The following CALN1 variants were observed in gnomAD, a reference collection of about 807,000 sequenced individuals.
CALN1 encodes calcium-binding protein 8.
A neutral mutation model predicts 30.6 loss-of-function variants in CALN1; 17 were observed. That is an observed-to-expected ratio of 0.56 (90% CI 0.38 to 0.83). The LOEUF is 0.83. Ranked by LOEUF, CALN1 falls within the 40% of genes least tolerant of loss-of-function variation. The pLI, the probability that CALN1 is intolerant of heterozygous loss-of-function variation, is 0.00. For synonymous variants in CALN1, 156 were observed against 131.4 expected, an observed-to-expected ratio of 1.19 and a Z score of -1.28; for missense variants, 291 against 354.9, an observed-to-expected ratio of 0.82 and a Z score of 1.45.
At chr7:71,973,054 G>A (rs1797927176) in intron 5 of CALN1, among the ~76,000 whole-genome samples, 1 of 152,150 alleles carries the variant, frequency 6.6e-6, no homozygotes, top group Non-Finnish European at 1.5e-5. Flanking sequence ...GGCAAACGCT[G>A]ATCTATTCCA....
At chr7:72,299,314 A>C (rs1208158908) in intron 2 of CALN1, among the ~76,000 whole-genome samples, 1 of 152,232 alleles carries the variant, frequency 6.6e-6, no homozygotes, top group Non-Finnish European at 1.5e-5. Context: ...GTCCACTATT[A>C]AATAACACTA....
intron 3 of CALN1, among the ~76,000 whole-genome samples, chr7:72,201,314 C>A (rs1336388974): frequency 6.6e-6 from 1 of 152,134 alleles, no homozygotes; most frequent in Admixed American, 6.5e-5. Flanking sequence ...TTGTGCAGGG[C>A]ACGGTGGCTC....
intron 5 of CALN1, among the ~76,000 whole-genome samples, chr7:72,008,228 G>A (rs1799881183): frequency 6.6e-6 from 1 of 151,962 alleles, no homozygotes; most frequent in African/African-American, 2.4e-5. Flanking sequence ...CTATGATTAT[G>A]CAAAAAAATG....
chr7:72,074,372 T>C (rs1260428867), intron 4 of CALN1, among the ~76,000 whole-genome samples: 1 of 152,170 alleles, frequency 6.6e-6, no homozygotes, highest in Admixed American at 6.5e-5. Context: ...AATGACTCTT[T>C]GTGACCAGTT....
chr7:72,362,380 C>G (rs1393588818), intron 2 of CALN1, among the ~76,000 whole-genome samples: 1 of 152,148 alleles, frequency 6.6e-6, no homozygotes, highest in Non-Finnish European at 1.5e-5. Flanking sequence ...GTTGACTTCT[C>G]TCCATGGCCA....
intron 3 of CALN1, among the ~76,000 whole-genome samples, chr7:72,196,619 AAAAG>A (rs753070239): frequency 1.3e-5 from 2 of 152,226 alleles, no homozygotes; most frequent in Non-Finnish European, 2.9e-5. Context: ...TTAACGAAGA[AAAAG>A]AAAGATCTAG....
At chr7:72,334,357 T>A (rs73131431) in intron 2 of CALN1, among the ~76,000 whole-genome samples, 6,360 of 152,206 alleles carry the variant, frequency 0.042, 213 homozygotes, top group Non-Finnish European at 0.067. Context: ...GCCACAGATA[T>A]CCCACCCTGG....
At chr7:72,469,975 A>T in the CALN1 span, among the ~76,000 whole-genome samples, 7 of 152,128 alleles carry the variant, frequency 4.6e-5, no homozygotes, top group Non-Finnish European at 5.9e-5. Context: ...GGCAGTATAG[A>T]GCCTGCAGAG....
At chr7:71,899,800 T>C (rs993767200) in intron 5 of CALN1, among the ~76,000 whole-genome samples, 3 of 152,166 alleles carry the variant, frequency 2.0e-5, no homozygotes, top group Non-Finnish European at 4.4e-5. Context: ...ATGCATGGCA[T>C]AGAATATGTC....
chr7:72,475,119 AC>A, the CALN1 span, among the ~76,000 whole-genome samples: 1 of 152,112 alleles, frequency 6.6e-6, no homozygotes, highest in Admixed American at 6.6e-5. Context: ...TCCAATGGAA[AC>A]CTTTCAGCAA....
At chr7:72,048,290 C>G (rs536073054) in intron 4 of CALN1, among the ~76,000 whole-genome samples, 1 of 152,122 alleles carries the variant, frequency 6.6e-6, no homozygotes, top group Non-Finnish European at 1.5e-5. Flanking sequence ...CCACCCGCCT[C>G]GGCCTCCAAA....
chr7:72,157,458 G>GT (rs1787778039), intron 3 of CALN1, among the ~76,000 whole-genome samples: 1 of 152,090 alleles, frequency 6.6e-6, no homozygotes, highest in Non-Finnish European at 1.5e-5. Flanking sequence ...ACAATGCCTA[G>GT]TGAGAGAAAG....
At chr7:72,203,802 G>A (rs1419976948) in intron 3 of CALN1, among the ~76,000 whole-genome samples, 1 of 151,934 alleles carries the variant, frequency 6.6e-6, no homozygotes, top group East Asian at 1.9e-4. Context: ...TCTGTTTATT[G>A]TTTAATAACA....
At chr7:71,797,796 C>T (rs1279522602) in intron 6 of CALN1, among the ~76,000 whole-genome samples, 1 of 152,142 alleles carries the variant, frequency 6.6e-6, no homozygotes, top group Non-Finnish European at 1.5e-5. Flanking sequence ...ACCTTCACCA[C>T]CACTCCATCT....
At chr7:72,449,193 G>C (rs1037527505), upstream of CALN1, among the ~76,000 whole-genome samples, 5 of 152,188 alleles carry the variant, frequency 3.3e-5, no homozygotes, top group Non-Finnish European at 7.3e-5. Flanking sequence ...AGGAAGGAAG[G>C]GGATATATGG....
chr7:72,248,177 C>T (rs1232651591), intron 3 of CALN1, among the ~76,000 whole-genome samples: 1 of 152,144 alleles, frequency 6.6e-6, no homozygotes, highest in African/African-American at 2.4e-5. Flanking sequence ...TGCAATGGCA[C>T]GATCTTGGCT....
chr7:71,820,788 G>A (rs1050745941), intron 5 of CALN1, among the ~76,000 whole-genome samples: 1 of 152,174 alleles, frequency 6.6e-6, no homozygotes, highest in Non-Finnish European at 1.5e-5. Flanking sequence ...GTTTGAGCTT[G>A]AGAAAAACTA....
chr7:72,226,898 A>G (rs1175187011), intron 3 of CALN1, among the ~76,000 whole-genome samples: 1 of 152,018 alleles, frequency 6.6e-6, no homozygotes, highest in East Asian at 1.9e-4. Context: ...TTAGCCACGC[A>G]TGATGGCGCA....
At chr7:72,423,879 A>C (rs1477166731) in intron 1 of CALN1, among the ~76,000 whole-genome samples, 1 of 143,446 alleles carries the variant, frequency 7.0e-6, no homozygotes, top group Non-Finnish European at 1.5e-5. Flanking sequence ...GAAGGGAGGG[A>C]GGAAAGGGGA....
Sources: gnomAD v4.1 joint callset for allele counts (sites outside exome capture counted in the v4.1 genomes callset) on GRCh38, gnomAD v4.1.1 for gene constraint, MANE v1.5 for transcripts, NCBI Gene and HGNC (gene_info 2026-07-23, HGNC 2026-07-21) for gene names.